ADAT2: variants seen among roughly 807,000 people sequenced by gnomAD.
ADAT2 encodes tRNA-specific adenosine-34 deaminase catalytic subunit ADAT2.
In ADAT2, 26 loss-of-function variants were observed where a neutral mutation model predicts 25.9. The ratio of observed to expected loss-of-function variants is 1.00; its 90% confidence interval spans 0.74 to 1.39. ADAT2 has a LOEUF of 1.39. Among genes scored for constraint, ADAT2 ranks in the 40% most tolerant of loss-of-function variants. The pLI is 0.00. For missense variants in ADAT2, 220 were observed against 244.8 expected, an observed-to-expected ratio of 0.90 and a Z score of 0.68; for synonymous variants, 76 against 86.8, an observed-to-expected ratio of 0.88 and a Z score of 0.69.
At chr6:143,429,212 A>G (rs548570725) in intron 4 of ADAT2, among the ~76,000 whole-genome samples, 1 of 152,320 alleles carries the variant, frequency 6.6e-6, no homozygotes, top group African/African-American at 2.4e-5. Context: ...GAGAACTGTG[A>G]GCTAAGAATG....
intron 4 of ADAT2, among the ~76,000 whole-genome samples, chr6:143,429,024 G>GA (rs138311379): frequency 0.28 from 42,626 of 152,030 alleles, 6,205 homozygotes; most frequent in Admixed American, 0.32. Context: ...ACTTACTTCA[G>GA]GGGATTTTGT....
rs886700349 is a variant in ADAT2, at chr6:143,428,389, G to T, written c.*74C>A. 9 of 1,482,622 alleles carry T rather than the reference G, an allele frequency of 6.1e-6. No homozygotes were observed. The highest frequency in any genetic ancestry group is 2.8e-5 in the African/African-American group (2 of 70,636). 91.8% of individuals were successfully genotyped at this position (1,482,622 alleles called of 1,614,324 possible). ...ACAATATATAAACATATGATTCAAC[G>T]ATGTCAACAGCTTTCAGTCTATGAA... On this transcript the variant is annotated 3_prime_UTR_variant, in exon 6 of 6. Coordinates refer to ENST00000237283, the MANE Select transcript of ADAT2 (RefSeq NM_182503.3). The surrounding 1 kb of genome is among the most constrained non-coding windows in gnomAD (Gnocchi z 5.0).
In ADAT2 at chr6:143,437,073, G is replaced by GT. The variant is rs903554052; in HGVS notation, c.201+1516dup. On this transcript the variant is annotated intron_variant, in intron 2 of 5. Coordinates refer to ENST00000237283, the MANE Select transcript of ADAT2 (RefSeq NM_182503.3). This position sits in a 1 kb window ranked among gnomAD's most constrained non-coding sequence, Gnocchi z 4.1. Reference sequence around the variant, plus strand: ...TTTTCATAAGCAAATTGATAAAAAAGTTTTTTTGGGGGGCTGACATATTAA... The same window carrying GT: ...TTTTCATAAGCAAATTGATAAAAAAGTTTTTTTTGGGGGGCTGACATATTAA... Among the ~76,000 whole-genome samples, 1 of 150,348 alleles carries GT rather than the reference G, an allele frequency of 6.7e-6. No individual in the cohort carries two copies. Among genetic ancestry groups the GT allele is most frequent in the Non-Finnish European group, 1.5e-5 (1 of 67,250 alleles).
rs866986087 is a variant in ADAT2, at chr6:143,428,668, C to T, written c.476G>A (p.Arg159Gln). 1.5e-5 allele frequency: 25 copies of T among 1,613,734 alleles called. No individual in the cohort carries two copies. Among genetic ancestry groups the T allele is most frequent in the African/African-American group, 2.7e-5 (2 of 74,844 alleles). Residue 159 changes from arginine (R) to glutamine (Q), a missense_variant, in exon 5 of 6, where the codon CGG becomes CAG. Physicochemically the swap from Arg to Gln is conservative, Grantham distance 43. Coordinates refer to ENST00000237283, the MANE Select transcript of ADAT2 (RefSeq NM_182503.3). This position sits in a 1 kb window ranked among gnomAD's most constrained non-coding sequence, Gnocchi z 5.0. ...TAACATTTCCACTGCTTCCTCAGCCCGATATCCAGGGATACACTGATGGAA... is the reference window on the plus strand; with the variant it reads ...TAACATTTCCACTGCTTCCTCAGCCTGATATCCAGGGATACACTGATGGAA... Reference protein sequence around the residue: ...GRPFQCIPGYRAEEAVEMLKT... With the variant: ...GRPFQCIPGYQAEEAVEMLKT...
rs1313040341 is a variant in ADAT2 at position 143,432,294 on chromosome 6, T to C, written c.459+211A>G. On this transcript the variant is annotated intron_variant, in intron 4 of 5. Transcript: ENST00000237283. This position sits in a 1 kb window ranked among gnomAD's most constrained non-coding sequence, Gnocchi z 4.4. ...GTGGACTCTCCTTCAGGAGGGAGTC[T>C]GTTAATGAAGAGAGGTAGGCACTCA... Among the ~76,000 whole-genome samples, 2 of 152,194 alleles carry C rather than the reference T, an allele frequency of 1.3e-5. No individual in the cohort carries two copies. Among genetic ancestry groups the C allele is most frequent in the Non-Finnish European group, 2.9e-5 (2 of 68,030 alleles).
chr6:143,441,924 A>G (rs1779468580), intron 1 of ADAT2: 2 of 152,208 alleles, frequency 1.3e-5, no homozygotes, highest in African/African-American at 4.8e-5. Context: ...GGCTGTGGAG[A>G]AGTGATATTA....
rs1173607434 is a variant in ADAT2, at chr6:143,446,405, C to A, written c.96+4158G>T. Among the ~76,000 whole-genome samples, 6 of 152,084 alleles carry A rather than the reference C, an allele frequency of 3.9e-5. No individual in the cohort carries two copies. The highest frequency in any genetic ancestry group is 7.3e-5 in the Non-Finnish European group (5 of 68,032). ...ACATTTAAGTGATTCAAATTCTTCA[C>A]TATTATAAACAAGTAAAGAACTTCT... On this transcript the variant is annotated intron_variant, in intron 1 of 5. Transcript: ENST00000237283. The surrounding 1 kb of genome is among the most constrained non-coding windows in gnomAD (Gnocchi z 5.0).
intron 4 of ADAT2, among the ~76,000 whole-genome samples, chr6:143,430,488 A>G (rs9496623): frequency 0.28 from 42,479 of 151,886 alleles, 6,171 homozygotes; most frequent in Admixed American, 0.32. Context: ...CTAACACACC[A>G]ATATAATATA....
intron 4 of ADAT2, among the ~76,000 whole-genome samples, chr6:143,429,278 G>A (rs1206100540): frequency 6.6e-6 from 1 of 152,196 alleles, no homozygotes; most frequent in Non-Finnish European, 1.5e-5. Flanking sequence ...TGACAGAGAT[G>A]TAAGCGGCTC....
Position 143,436,381 on chromosome 6 carries a change from A to G in ADAT2, c.201+2209T>C. 1 of 267,562 alleles carries G rather than the reference A, an allele frequency of 3.7e-6. No individual in the cohort carries two copies. Among genetic ancestry groups the G allele is most frequent in the Non-Finnish European group, 7.6e-6 (1 of 131,442 alleles). The allele number at this position is 267,562 out of a possible 1,614,324, so 16.6% of individuals were successfully genotyped here. ...GAAAATGCTTCATGTCCAAACCAAG[A>G]ACAGCAGCTACTTTGCTGACTGGAT... is the stretch of plus-strand genomic sequence containing the variant. On this transcript the variant is annotated intron_variant, in intron 2 of 5. Transcript: ENST00000237283. This position sits in a 1 kb window ranked among gnomAD's most constrained non-coding sequence, Gnocchi z 4.1.
rs2128739560 is a variant in ADAT2 at position 143,432,370 on chromosome 6, C to T, written c.459+135G>A. ...ATACTGAGGCATAAATGAACTCCAC[C>T]AGAGGCCCTGAGATCAAAGATGTCT... On this transcript the variant is annotated intron_variant, in intron 4 of 5. Transcript: ENST00000237283. This position sits in a 1 kb window ranked among gnomAD's most constrained non-coding sequence, Gnocchi z 4.4. 1.3e-6 allele frequency: 1 copy of T among 782,278 alleles called. No homozygotes were observed. Among genetic ancestry groups the T allele is most frequent in the East Asian group, 2.7e-5 (1 of 37,102 alleles). The allele number at this position is 782,278 out of a possible 1,614,324, so 48.5% of individuals were successfully genotyped here.
intron 1 of ADAT2, among the ~76,000 whole-genome samples, chr6:143,445,987 ATAGT>A (rs780407247): frequency 2.0e-4 from 31 of 151,794 alleles, no homozygotes; most frequent in Non-Finnish European, 2.4e-4. Flanking sequence ...ATATGTATAG[ATAGT>A]TAGTCAATCT....
intron 3 of ADAT2, 30 bp downstream of exon 3, chr6:143,433,801 G>A (rs3761999): frequency 0.5 from 806,827 of 1,605,618 alleles, 206,439 homozygotes; most frequent in African/African-American, 0.57. Flanking sequence ...CGAATGGTAC[G>A]ATACATTAAC....
At chr6:143,433,505 T>C (rs1318097160) in intron 3 of ADAT2, among the ~76,000 whole-genome samples, 1 of 152,250 alleles carries the variant, frequency 6.6e-6, no homozygotes, top group East Asian at 1.9e-4. Flanking sequence ...CTTAGCTGCA[T>C]ATTCTTTAGG....
chr6:143,429,153 A>G (rs1779034060), intron 4 of ADAT2, among the ~76,000 whole-genome samples: 1 of 152,192 alleles, frequency 6.6e-6, no homozygotes, highest in Non-Finnish European at 1.5e-5. Context: ...CATGCTATAG[A>G]GCTAGGGTTG....
intron 4 of ADAT2, among the ~76,000 whole-genome samples, chr6:143,430,191 G>C (rs939208364): frequency 6.6e-6 from 1 of 152,180 alleles, no homozygotes; most frequent in African/African-American, 2.4e-5. Context: ...CCTGCTTCCT[G>C]CTGTGTTAAG....
In ADAT2 at chr6:143,424,366, T is replaced by A. The variant is rs966077950; in HGVS notation, c.*4097A>T. On this transcript the variant is annotated 3_prime_UTR_variant, in exon 6 of 6. Coordinates refer to ENST00000237283, the MANE Select transcript of ADAT2 (RefSeq NM_182503.3). The surrounding 1 kb of genome is among the most constrained non-coding windows in gnomAD (Gnocchi z 4.8). Reference sequence around the variant, plus strand: ...TCACCACAGATTTTTAACAAGGCGCTATACTACTTTTAAAAAAGATTTAAG... The same window carrying A: ...TCACCACAGATTTTTAACAAGGCGCAATACTACTTTTAAAAAAGATTTAAG... The A allele has an allele frequency of 3.9e-5, 6 of 152,242 alleles. No homozygotes were observed. Among genetic ancestry groups the A allele is most frequent in the Admixed American group, 6.5e-5 (1 of 15,290 alleles). The allele number at this position is 152,242 out of a possible 1,614,324, so 9.4% of individuals were successfully genotyped here.
At position 143,426,802 on chromosome 6, in the gene ADAT2, C is replaced by T. The variant is rs1415780603; in HGVS notation, c.*1661G>A. ...CCAAGAACCTACTGGACATAAGATG[C>T]TCAGCCAGACTTACTGGGTGGTACT... On this transcript the variant is annotated 3_prime_UTR_variant, in exon 6 of 6. Transcript: ENST00000237283. This position sits in a 1 kb window ranked among gnomAD's most constrained non-coding sequence, Gnocchi z 4.1. The T allele has an allele frequency of 1.3e-5, 2 of 152,108 alleles. No individual in the cohort carries two copies. Among genetic ancestry groups the T allele is most frequent in the Non-Finnish European group, 2.9e-5 (2 of 68,020 alleles). 9.4% of individuals were successfully genotyped at this position (152,108 alleles called of 1,614,324 possible). A position where few individuals can be genotyped will look rare whatever the true frequency, so the allele number is the denominator to read the frequency against.
In ADAT2 at chr6:143,444,356, C is replaced by A. The variant is rs1490752931; in HGVS notation, c.97-5662G>T. On this transcript the variant is annotated intron_variant, in intron 1 of 5. Transcript: ENST00000237283. This position sits in a 1 kb window ranked among gnomAD's most constrained non-coding sequence, Gnocchi z 4.3. ...CTGGAATGGTAGGCAGGGGAGGGGG[C>A]GGTGAGAATAACACAAAGCCCCATG... Among the ~76,000 whole-genome samples, 6 of 151,956 alleles carry A rather than the reference C, an allele frequency of 3.9e-5. No individual in the cohort carries two copies. The highest frequency in any genetic ancestry group is 3.9e-4 in the Admixed American group (6 of 15,248).
Sources: gnomAD v4.1 joint callset for allele counts (sites outside exome capture counted in the v4.1 genomes callset) on GRCh38, gnomAD v4.1.1 for gene constraint, Gnocchi (gnomAD v3.1) non-coding constraint, MANE v1.5 for transcripts, NCBI Gene and HGNC (gene_info 2026-07-23, HGNC 2026-07-21) for gene names.